Variants in KIAA1958 observed in about 807,000 individuals in gnomAD.
The protein encoded by KIAA1958 is KIAA1958.
KIAA1958 carries 14 observed loss-of-function variants against 47.2 expected under a neutral mutation model. The observed-to-expected ratio is 0.30, with a 90% CI of 0.20 to 0.46. KIAA1958 has a LOEUF of 0.46. Among genes scored for constraint, KIAA1958 ranks in the 20% least tolerant of loss-of-function variants. The pLI is 1.00. For synonymous variants in KIAA1958, 354 were observed against 353.3 expected (o/e 1.00, Z -0.02); for missense variants, 803 against 909.2 (o/e 0.88, Z 1.50).
chr9:112,558,482 C>T (rs1835279037), intron 1 of KIAA1958, among the ~76,000 whole-genome samples: 1 of 152,070 alleles, frequency 6.6e-6, no homozygotes, highest in South Asian at 2.1e-4. Context: ...TTGCATTTCT[C>T]AGGAAAATGA....
At chr9:112,565,470 T>C (rs900667468) in intron 1 of KIAA1958, among the ~76,000 whole-genome samples, 4 of 152,240 alleles carry the variant, frequency 2.6e-5, no homozygotes, top group African/African-American at 9.6e-5. Context: ...TCATTGCCCA[T>C]GTCAGATATG....
intron 3 of KIAA1958, 114 bp downstream of exon 3, chr9:112,645,936 C>G: frequency 1.3e-6 from 1 of 746,540 alleles, no homozygotes; most frequent in Non-Finnish European, 2.0e-6. Flanking sequence ...CCTGGGGAAA[C>G]TTTGGAAGAA....
chr9:112,607,263 G>A (rs555601434), intron 2 of KIAA1958, among the ~76,000 whole-genome samples: 5 of 151,920 alleles, frequency 3.3e-5, no homozygotes, highest in Admixed American at 6.6e-5. Context: ...AGGCTGAGGC[G>A]AGAGAATCGC....
At chr9:112,641,622 GT>G (rs1323849210) in intron 2 of KIAA1958, among the ~76,000 whole-genome samples, 2 of 151,484 alleles carry the variant, frequency 1.3e-5, no homozygotes, top group Non-Finnish European at 2.9e-5. Flanking sequence ...ATCCTTACAC[GT>G]TTTTCCTTTG....
Position 112,487,137 on chromosome 9 carries a change from G to T in KIAA1958, c.-25+19G>T. ...CCTGCAGGTGGGTGAGAGCCCGCGC[G>T]CGGGGCGGGGACGAGTGCGCCGACG... On this transcript the variant is annotated intron_variant, in intron 1 of 3. Coordinates refer to ENST00000337530, the MANE Select transcript of KIAA1958 (RefSeq NM_133465.4). The T allele has an allele frequency of 4.9e-6, 1 of 202,674 alleles. No homozygotes were observed. The highest frequency in any genetic ancestry group is 6.1e-4 in the Middle Eastern group (1 of 1,650). The allele number at this position is 202,674 out of a possible 1,614,324, so 12.6% of individuals were successfully genotyped here. A position where few individuals can be genotyped will look rare whatever the true frequency, so the allele number is the denominator to read the frequency against.
At chr9:112,531,460 GA>G (rs1834751060) in intron 1 of KIAA1958, among the ~76,000 whole-genome samples, 1 of 152,048 alleles carries the variant, frequency 6.6e-6, no homozygotes, top group Non-Finnish European at 1.5e-5. Flanking sequence ...AGACTAGAGG[GA>G]AAAATACCAC....
Position 112,650,557 on chromosome 9 carries a change from CAA to C in KIAA1958, c.1344+4737_1344+4738del, listed in dbSNP as rs371056738. The stretch of plus-strand genomic sequence containing the variant: ...CTTAGAGCAAGACTGAAATATAAAA[CAA>C]AGAGATAGAGTGGATAATCCTAATG... On this transcript the variant is annotated intron_variant, in intron 3 of 3. Transcript: ENST00000337530. Among the ~76,000 whole-genome samples, 18 of 147,674 alleles carry C rather than the reference CAA, an allele frequency of 1.2e-4. No homozygotes were observed. In the East Asian group the frequency reaches 2.2e-3, roughly 18 times the overall value.
chr9:112,556,080 CA>C (rs935181613), intron 1 of KIAA1958, among the ~76,000 whole-genome samples: 1 of 150,450 alleles, frequency 6.6e-6, no homozygotes, highest in African/African-American at 2.4e-5. Flanking sequence ...ACTCTGTCTC[CA>C]AAAAAAAAGC....
intron 1 of KIAA1958, among the ~76,000 whole-genome samples, chr9:112,551,653 C>CAGTA: frequency 6.6e-6 from 1 of 152,256 alleles, no homozygotes; most frequent in South Asian, 2.1e-4. Context: ...GAACATAATA[C>CAGTA]AGTATCCTTT....
intron 2 of KIAA1958, among the ~76,000 whole-genome samples, chr9:112,634,982 A>G (rs1411503921): frequency 2.6e-5 from 4 of 151,936 alleles, no homozygotes; most frequent in African/African-American, 9.7e-5. Context: ...GATGTGAGGT[A>G]GGAATTCCGT....
intron 1 of KIAA1958, among the ~76,000 whole-genome samples, chr9:112,560,236 C>T (rs1033348852): frequency 2.9e-5 from 4 of 138,164 alleles, no homozygotes; most frequent in Non-Finnish European, 6.1e-5. Context: ...GGTCTTGCTG[C>T]GTCATCCAGG....
chr9:112,608,293 T>C (rs1836270162), intron 2 of KIAA1958, among the ~76,000 whole-genome samples: 1 of 152,174 alleles, frequency 6.6e-6, no homozygotes, highest in Non-Finnish European at 1.5e-5. Context: ...AAACTAATAA[T>C]TAAACTAATA....
rs537088270 is a variant in KIAA1958, at chr9:112,562,491, C to T, written c.-24-11566C>T. On this transcript the variant is annotated intron_variant, in intron 1 of 3. Coordinates refer to ENST00000337530, the MANE Select transcript of KIAA1958 (RefSeq NM_133465.4). ...CACCCAGAAGAGCCTGTGGGCAGAA[C>T]TTCTTAAGTTTTATGCATATCAGTT... Among the ~76,000 whole-genome samples the T allele has an allele frequency of 3.9e-5, 6 of 152,282 alleles. No homozygotes were observed. The South Asian group carries it at 1.2e-3, about 32-fold the overall frequency.
chr9:112,608,579 A>G (rs1222398812), intron 2 of KIAA1958, among the ~76,000 whole-genome samples: 1 of 152,196 alleles, frequency 6.6e-6, no homozygotes, highest in African/African-American at 2.4e-5. Flanking sequence ...ACTTGAGCTC[A>G]GGAGTTTGAG....
At chr9:112,608,887 A>G (rs904510717) in intron 2 of KIAA1958, among the ~76,000 whole-genome samples, 6 of 152,188 alleles carry the variant, frequency 3.9e-5, no homozygotes, top group African/African-American at 7.2e-5. Flanking sequence ...AAAAAAAGAG[A>G]AGAGAGAGAA....
intron 3 of KIAA1958, among the ~76,000 whole-genome samples, chr9:112,659,019 CAAAA>C (rs560013892): frequency 5.2e-4 from 30 of 57,754 alleles, no homozygotes; most frequent in African/African-American, 1.5e-3. Flanking sequence ...GACTCTGACT[CAAAA>C]AAAAAAAAAA....
rs1262252437 is a variant in KIAA1958 at position 112,525,970 on chromosome 9, TTCTTCTTCTTCTTCTTCTTCTTCTTCTTC to T, written c.-25+38854_-25+38882del. ...CTTCTTCTTCTTCTTCTTCTTCTTC[TTCTTCTTCTTCTTCTTCTTCTTCTTCTTC>T]TTTTTTTTTTTAAAGAGATGGGGTC... On this transcript the variant is annotated intron_variant, in intron 1 of 3. Coordinates refer to ENST00000337530, the MANE Select transcript of KIAA1958 (RefSeq NM_133465.4). 8.3e-3 allele frequency among the ~76,000 whole-genome samples: 21 copies of T among 2,526 alleles called. 5 individuals are homozygous for T. The African/African-American group carries it at 0.099, about 12-fold the overall frequency. 1.7% of individuals were successfully genotyped at this position (2,526 alleles called of 152,430 possible).
chr9:112,663,425 T>C lies in KIAA1958; in HGVS notation c.*3356T>C, dbSNP rs193293734. 1.3e-5 allele frequency: 2 copies of C among 152,342 alleles called. No individual in the cohort carries two copies. The highest frequency in any genetic ancestry group is 1.9e-4 in the East Asian group (1 of 5,194). The allele number at this position is 152,342 out of a possible 1,614,324, so 9.4% of individuals were successfully genotyped here. On this transcript the variant is annotated 3_prime_UTR_variant, in exon 4 of 4. Transcript: ENST00000337530. ...TTATAACTTTTGGTAATAATTAATA[T>C]TATTTAACTAATTTGCATTATACCA...
At position 112,518,942 on chromosome 9, in the gene KIAA1958, T is replaced by C. The variant is rs191178452; in HGVS notation, c.-25+31824T>C. 2.7e-3 allele frequency among the ~76,000 whole-genome samples: 405 copies of C among 152,194 alleles called. 2 individuals carry two copies. Among genetic ancestry groups the C allele is most frequent in the African/African-American group, 9.3e-3 (386 of 41,534 alleles). Reference sequence around the variant, plus strand: ...TCTTTGCTATTTTTAGTTCGTGTTTTTTTAGAGACAGGGTCTCAACTCTGT... The same window carrying C: ...TCTTTGCTATTTTTAGTTCGTGTTTCTTTAGAGACAGGGTCTCAACTCTGT... On this transcript the variant is annotated intron_variant, in intron 1 of 3. Transcript: ENST00000337530.
Sources: allele counts gnomAD v4.1 joint callset (sites outside exome capture counted in the v4.1 genomes callset), GRCh38; gene constraint gnomAD v4.1.1; transcripts MANE v1.5; gene names NCBI Gene and HGNC (gene_info 2026-07-23, HGNC 2026-07-21).